SAE1: variants seen among roughly 807,000 people sequenced by gnomAD.
SAE1 encodes SUMO1 activating enzyme subunit 1.
A neutral mutation model predicts 40.6 loss-of-function variants in SAE1; 11 were observed. That is an observed-to-expected ratio of 0.27 (90% confidence interval 0.17 to 0.45). SAE1 has a LOEUF of 0.45. Among genes scored for constraint, SAE1 ranks in the 20% least tolerant of loss-of-function variants. SAE1 has a pLI of 1.00. For synonymous variants in SAE1, 155 were observed against 154.3 expected (o/e 1.00, Z -0.03); for missense variants, 373 against 427.3 (o/e 0.87, Z 1.12).
intron 1 of SAE1, among the ~76,000 whole-genome samples, chr19:47,142,266 C>T (rs549722851): frequency 6.6e-6 from 1 of 151,906 alleles, no homozygotes; most frequent in African/African-American, 2.4e-5. Flanking sequence ...CGCCTGTAAT[C>T]CCAGCTACTC....
At chr19:47,178,140 G>T (rs1411616451) in intron 6 of SAE1, among the ~76,000 whole-genome samples, 1 of 151,962 alleles carries the variant, frequency 6.6e-6, no homozygotes, top group Non-Finnish European at 1.5e-5. Flanking sequence ...ACTCGGGAGG[G>T]GGAGGCAGGA....
In SAE1 at chr19:47,155,178, A is replaced by C. The variant is rs1313321096; in HGVS notation, c.592A>C (p.Lys198Gln). Residue 198 changes from lysine to glutamine, a missense_variant, in exon 5 of 9, where the codon AAA (lysine) becomes CAA (glutamine). This residue lies in a region of SAE1 where 351 missense variants were observed against 390.6 expected (regional missense o/e 0.90). Transcript: ENST00000270225. The stretch of plus-strand genomic sequence containing the variant: ...AGATGGGCCCGACACCAAGAGAGCA[A>C]AACTTGATTCTTCTGAGACAACGAT... ...VEDGPDTKRA[K>Q]LDSSETTMVK... 2 of 1,614,068 alleles carry C rather than the reference A, an allele frequency of 1.2e-6. No homozygotes were observed. Among genetic ancestry groups the C allele is most frequent in the East Asian group, 4.5e-5 (2 of 44,888 alleles).
chr19:47,185,891 C>T (rs1024651986), intron 6 of SAE1, among the ~76,000 whole-genome samples: 8 of 151,282 alleles, frequency 5.3e-5, no homozygotes, highest in Non-Finnish European at 7.4e-5. Flanking sequence ...CATGAGCCAC[C>T]GCACCAAGCC....
intron 5 of SAE1, among the ~76,000 whole-genome samples, 156 bp from the exon 6 acceptor site, chr19:47,169,662 G>A (rs987308253): frequency 2.0e-5 from 3 of 152,164 alleles, no homozygotes; most frequent in African/African-American, 7.2e-5. Flanking sequence ...CACAGTGAGT[G>A]TTCAATAAGC....
chr19:47,152,054 G>C (rs183987906), intron 3 of SAE1, among the ~76,000 whole-genome samples: 12 of 152,358 alleles, frequency 7.9e-5, no homozygotes, highest in Non-Finnish European at 1.3e-4. Flanking sequence ...ACATTTCTCT[G>C]TGAGTGTTAT....
chr19:47,139,313 A>C (rs1281464241), intron 1 of SAE1, among the ~76,000 whole-genome samples: 1 of 152,116 alleles, frequency 6.6e-6, no homozygotes, highest in African/African-American at 2.4e-5. Context: ...AAGTGCTGGG[A>C]TTACAGGCGT....
intron 1 of SAE1, among the ~76,000 whole-genome samples, chr19:47,131,770 G>C (rs568981611): frequency 1.4e-5 from 2 of 141,880 alleles, no homozygotes; most frequent in African/African-American, 5.3e-5. Context: ...GCGCGATCTC[G>C]GCTCACTGCA....
At chr19:47,188,760 G>T (rs745408219) in intron 6 of SAE1, among the ~76,000 whole-genome samples, 1 of 152,196 alleles carries the variant, frequency 6.6e-6, no homozygotes, top group African/African-American at 2.4e-5. Context: ...GGAGTCTAGA[G>T]CTGTGCTCTT....
intron 2 of SAE1, 77 bp downstream of exon 2, chr19:47,143,682 C>G: frequency 1.9e-6 from 2 of 1,028,572 alleles, no homozygotes; most frequent in Non-Finnish European, 1.5e-6. Context: ...TTTGTGAGTT[C>G]CTCCTTGTGC....
At chr19:47,201,360 CTTTTTT>C (rs57568797) in intron 7 of SAE1, among the ~76,000 whole-genome samples, 137 of 66,220 alleles carry the variant, frequency 2.1e-3, no homozygotes, top group African/African-American at 8.4e-3. Context: ...TATCTGGTTC[CTTTTTT>C]TTTTTTTTTT....
chr19:47,136,397 C>G (rs769191913), intron 1 of SAE1, among the ~76,000 whole-genome samples: 1 of 152,062 alleles, frequency 6.6e-6, no homozygotes, highest in Non-Finnish European at 1.5e-5. Flanking sequence ...CTTGGCCCCC[C>G]AAAGTGTTGC....
At chr19:47,149,263 C>T (rs572558630) in intron 2 of SAE1, among the ~76,000 whole-genome samples, 66 of 150,742 alleles carry the variant, frequency 4.4e-4, no homozygotes, top group African/African-American at 1.5e-3. Context: ...CTCCGCCTCC[C>T]CTGTTGAAGT....
At chr19:47,191,703 G>C (rs936329955) in intron 6 of SAE1, among the ~76,000 whole-genome samples, 3 of 152,140 alleles carry the variant, frequency 2.0e-5, no homozygotes, top group African/African-American at 7.2e-5. Context: ...AACAAGAGGA[G>C]GTGATTTTTT....
chr19:47,164,389 C>A (rs142119470), intron 5 of SAE1, among the ~76,000 whole-genome samples: 9 of 151,800 alleles, frequency 5.9e-5, no homozygotes, highest in South Asian at 4.2e-4. Flanking sequence ...GGATGGTCTC[C>A]ATCTGCTGAC....
chr19:47,173,434 A>G (rs1396435871), intron 6 of SAE1, among the ~76,000 whole-genome samples: 1 of 152,138 alleles, frequency 6.6e-6, no homozygotes, highest in East Asian at 1.9e-4. Context: ...TGCACTGAAT[A>G]TTCACTTTGC....
chr19:47,172,039 C>A (rs922294101), intron 6 of SAE1, among the ~76,000 whole-genome samples: 4 of 152,074 alleles, frequency 2.6e-5, no homozygotes, highest in African/African-American at 9.7e-5. Context: ...CCGCCTCAGC[C>A]TCCCGAGTAG....
chr19:47,171,367 C>G (rs2123255920), intron 6 of SAE1, among the ~76,000 whole-genome samples: 1 of 152,068 alleles, frequency 6.6e-6, no homozygotes, highest in African/African-American at 2.4e-5. Flanking sequence ...GATCTTGGCA[C>G]ACTGCAACCT....
At chr19:47,195,502 T>C (rs547285091) in intron 6 of SAE1, among the ~76,000 whole-genome samples, 7 of 152,286 alleles carry the variant, frequency 4.6e-5, no homozygotes, top group Non-Finnish European at 8.8e-5. Flanking sequence ...TTTATGGGGA[T>C]TGAGATAGTT....
chr19:47,169,337 C>T (rs1236729163), intron 5 of SAE1, among the ~76,000 whole-genome samples: 2 of 152,088 alleles, frequency 1.3e-5, no homozygotes, highest in Non-Finnish European at 2.9e-5. Flanking sequence ...ACTCCACCTC[C>T]TGGGTTCAAG....
Sources: gnomAD v4.1 joint callset for allele counts (sites outside exome capture counted in the v4.1 genomes callset) on GRCh38, gnomAD v4.1.1 for gene constraint, gnomAD v4.1.1 regional missense constraint, MANE v1.5 for transcripts, NCBI Gene and HGNC (gene_info 2026-07-23, HGNC 2026-07-21) for gene names.